Variants in CTDP1 observed in about 807,000 individuals in gnomAD.
CTDP1 encodes CTD phosphatase 1.
In CTDP1, 47 loss-of-function variants were observed where a neutral mutation model predicts 91.8. The observed-to-expected ratio is 0.51, with a 90% CI of 0.41 to 0.65. CTDP1 has a LOEUF of 0.65. Among genes scored for constraint, CTDP1 ranks in the 30% least tolerant of loss-of-function variants. The pLI is 0.00. For missense variants in CTDP1, 1,272 were observed against 1,373.7 expected (o/e 0.93, Z 1.17); for synonymous variants, 656 against 598.5 (o/e 1.10, Z -1.40).
In CTDP1 at chr18:79,715,554, G is replaced by A. The variant is rs1247136189; in HGVS notation, c.2068+26G>A. On this transcript the variant is annotated intron_variant, in intron 8 of 12. Transcript: ENST00000613122. Reference sequence around the variant, plus strand: ...GTGAGTGCTGCCTCCCTGTGCCCTGGGCATGGTCAGGCCCGCGGGCTCCTT... The same window carrying A: ...GTGAGTGCTGCCTCCCTGTGCCCTGAGCATGGTCAGGCCCGCGGGCTCCTT... 3 of 1,534,580 alleles carry A rather than the reference G, an allele frequency of 2.0e-6. No individual in the cohort carries two copies. The Admixed American group carries it at 5.9e-5, about 30-fold the overall frequency.
chr18:79,683,359 A>G (rs1045421374), intron 1 of CTDP1, among the ~76,000 whole-genome samples: 1 of 152,214 alleles, frequency 6.6e-6, no homozygotes, highest in African/African-American at 2.4e-5. Flanking sequence ...AGATTATGCA[A>G]ATAACACGCA....
At chr18:79,701,854 G>A (rs185163167) in intron 4 of CTDP1, among the ~76,000 whole-genome samples, 4 of 152,350 alleles carry the variant, frequency 2.6e-5, no homozygotes, top group East Asian at 1.9e-4. Context: ...CAGGTGTGGT[G>A]GAAATAGCGA....
In CTDP1 at chr18:79,704,809, C is replaced by G. The variant is rs762853430; in HGVS notation, c.664C>G (p.His222Asp). 1 of 1,613,892 alleles carries G rather than the reference C, an allele frequency of 6.2e-7. No individual in the cohort carries two copies. The highest frequency in any genetic ancestry group is 8.5e-7 in the Non-Finnish European group (1 of 1,180,048). ...FQLGRGEPML[H>D]TRLRPHCKDF... Reference sequence around the variant, plus strand: ...GCTGGGCCGGGGTGAGCCCATGCTGCACACGCGCCTGCGTCCACACTGCAA... The same window carrying G: ...GCTGGGCCGGGGTGAGCCCATGCTGGACACGCGCCTGCGTCCACACTGCAA... The change falls in exon 5 of 13, where the codon CAC becomes GAC. Residue 222 changes from histidine to aspartate, a missense_variant. His to Asp is a moderately conservative substitution (Grantham distance 81). Coordinates refer to ENST00000613122, the MANE Select transcript of CTDP1 (RefSeq NM_004715.5).
chr18:79,720,581 T>G (rs1177800371), intron 10 of CTDP1, among the ~76,000 whole-genome samples: 1 of 152,232 alleles, frequency 6.6e-6, no homozygotes, highest in African/African-American at 2.4e-5. Context: ...GTCCTGGTGA[T>G]GTCACTTCCC....
chr18:79,700,062 G>C (rs1204157935), intron 4 of CTDP1, among the ~76,000 whole-genome samples: 3 of 152,182 alleles, frequency 2.0e-5, no homozygotes, highest in Non-Finnish European at 4.4e-5. Context: ...AACGTAATGG[G>C]TAGATGTGTG....
intron 7 of CTDP1, among the ~76,000 whole-genome samples, chr18:79,714,098 G>A (rs188684628): frequency 3.9e-5 from 6 of 151,994 alleles, no homozygotes; most frequent in African/African-American, 4.8e-5. Context: ...TCACGGTGGC[G>A]CCAGGTCTGC....
intron 12 of CTDP1, among the ~76,000 whole-genome samples, chr18:79,747,941 G>A (rs1245526351): frequency 6.6e-6 from 1 of 152,204 alleles, no homozygotes; most frequent in African/African-American, 2.4e-5. Context: ...TGACAGCCCA[G>A]TGTGTTTGGA....
intron 11 of CTDP1, among the ~76,000 whole-genome samples, chr18:79,729,924 G>GC (rs1218340069): frequency 6.6e-6 from 1 of 152,208 alleles, no homozygotes; most frequent in Non-Finnish European, 1.5e-5. Flanking sequence ...TATCCTCCCT[G>GC]CCCGCCTGGC....
At chr18:79,698,423 T>C (rs2085790588) in intron 4 of CTDP1, among the ~76,000 whole-genome samples, 1 of 152,030 alleles carries the variant, frequency 6.6e-6, no homozygotes, top group South Asian at 2.1e-4. Flanking sequence ...TTGGGAGAAC[T>C]GGGCTGGAGG....
chr18:79,750,669 T>C (rs1226575221), intron 12 of CTDP1, among the ~76,000 whole-genome samples: 3 of 76,418 alleles, frequency 3.9e-5, no homozygotes, highest in Non-Finnish European at 6.1e-5. Flanking sequence ...AATTTTTTGC[T>C]TTTTTTTTTT....
rs1052692137 is a variant in CTDP1 at position 79,692,231 on chromosome 18, C to G, written c.315-2994C>G. 2.6e-5 allele frequency among the ~76,000 whole-genome samples: 4 copies of G among 152,114 alleles called. No homozygotes were observed. The East Asian group carries it at 7.7e-4, about 29-fold the overall frequency. On this transcript the variant is annotated intron_variant, in intron 1 of 12. Transcript: ENST00000613122. ...CAGAACACACTCTGCAGGCGTTTGT[C>G]AGCCGTTGATCCATTTGTGTGAAGC...
At chr18:79,698,086 G>A (rs1335629172) in intron 4 of CTDP1, 98 bp downstream of exon 4, 32 of 1,524,910 alleles carry the variant, frequency 2.1e-5, no homozygotes, top group Middle Eastern at 1.7e-4. Flanking sequence ...ATGATTTCCC[G>A]TAGGTCAGCC....
At chr18:79,754,994 G>A (rs756359221), downstream of CTDP1, 5 of 152,292 alleles carry the variant, frequency 3.3e-5, no homozygotes, top group African/African-American at 7.2e-5. Context: ...GAGGTGGCAC[G>A]TGTGAGAACT....
At chr18:79,699,475 G>A (rs1021090652) in intron 4 of CTDP1, among the ~76,000 whole-genome samples, 1 of 151,988 alleles carries the variant, frequency 6.6e-6, no homozygotes, top group African/African-American at 2.4e-5. Flanking sequence ...GTGTTAGCCA[G>A]GATGGTCTCA....
Position 79,695,225 on chromosome 18 carries a change from A to G in CTDP1, c.315A>G (p.Gly105=). The part of the protein sequence containing the change: ...CAQPGQVVAP[G]AVLVRLEGCS... Reference sequence around the variant, plus strand: ...TTGTTCCCCTTGTGTTTTTTTGTAGAGCGGTTCTGGTGAGGTTGGAAGGAT... The same window carrying G: ...TTGTTCCCCTTGTGTTTTTTTGTAGGGCGGTTCTGGTGAGGTTGGAAGGAT... The change falls in exon 2 of 13, where the codon GGA becomes GGG. Residue 105 remains glycine (G), a splice_region_variant and synonymous_variant. Coordinates refer to ENST00000613122, the MANE Select transcript of CTDP1 (RefSeq NM_004715.5). The G allele has an allele frequency of 6.2e-7, 1 of 1,614,010 alleles. No homozygotes were observed. Among genetic ancestry groups the G allele is most frequent in the Non-Finnish European group, 8.5e-7 (1 of 1,179,936 alleles).
intron 4 of CTDP1, among the ~76,000 whole-genome samples, chr18:79,700,752 G>A (rs1438340657): frequency 2.6e-5 from 4 of 152,244 alleles, no homozygotes; most frequent in African/African-American, 9.6e-5. Context: ...ACAGCCTTCT[G>A]TTGGAAGAAG....
intron 10 of CTDP1, among the ~76,000 whole-genome samples, chr18:79,718,694 T>G (rs2086271356): frequency 6.6e-6 from 1 of 151,926 alleles, no homozygotes; most frequent in African/African-American, 2.4e-5. Context: ...TGTGGGACAT[T>G]GTTGGAGATT....
At chr18:79,692,490 C>CA (rs1184011308) in intron 1 of CTDP1, among the ~76,000 whole-genome samples, 2 of 152,240 alleles carry the variant, frequency 1.3e-5, no homozygotes, top group East Asian at 1.9e-4. Context: ...TCAATTTCTA[C>CA]AAAAAAACAC....
intron 4 of CTDP1, among the ~76,000 whole-genome samples, chr18:79,701,327 G>A (rs1352177251): frequency 2.6e-5 from 4 of 152,054 alleles, no homozygotes; most frequent in South Asian, 2.1e-4. Context: ...TGGCTAATGC[G>A]GTGAAACCCT....
Sources: allele counts gnomAD v4.1 joint callset (sites outside exome capture counted in the v4.1 genomes callset), GRCh38; gene constraint gnomAD v4.1.1; transcripts MANE v1.5; gene names NCBI Gene and HGNC (gene_info 2026-07-23, HGNC 2026-07-21).